Variants in ITPR1 observed in about 807,000 individuals in gnomAD.
The protein encoded by ITPR1 is inositol 1,4,5-trisphosphate receptor type 1, also known as inositol 1,4,5-trisphosphate-gated calcium channel ITPR1.
ITPR1 carries 96 observed loss-of-function variants against 318.4 expected under a neutral mutation model. The ratio of observed to expected loss-of-function variants is 0.30; its 90% CI spans 0.26 to 0.36. ITPR1 has a LOEUF of 0.36. Among genes scored for constraint, ITPR1 ranks in the 10% least tolerant of loss-of-function variants. The pLI is 1.00. For synonymous variants in ITPR1, 1,312 were observed against 1,289.9 expected, an observed-to-expected ratio of 1.02 and a Z score of -0.37; for missense variants, 2,440 against 3,460.2, an observed-to-expected ratio of 0.71 and a Z score of 7.40.
chr3:4,805,374 A>T (rs1272173894), intron 54 of ITPR1, among the ~76,000 whole-genome samples: 1 of 152,218 alleles, frequency 6.6e-6, no homozygotes, highest in East Asian at 1.9e-4. Flanking sequence ...GAAAGAGCTC[A>T]GTGGACATCA....
chr3:4,824,438 G>A (rs1443831181), intron 60 of ITPR1, among the ~76,000 whole-genome samples: 1 of 152,168 alleles, frequency 6.6e-6, no homozygotes, highest in Non-Finnish European at 1.5e-5. Context: ...GAAATCCAGA[G>A]CTGCTGAACC....
intron 4 of ITPR1, among the ~76,000 whole-genome samples, chr3:4,551,747 T>C (rs868046740): frequency 2.0e-5 from 3 of 152,232 alleles, no homozygotes; most frequent in South Asian, 4.1e-4. Context: ...AAAGGCTTAT[T>C]CTCTTATTCA....
intron 4 of ITPR1, among the ~76,000 whole-genome samples, chr3:4,603,234 T>C (rs1436457232): frequency 6.6e-6 from 1 of 152,056 alleles, no homozygotes; most frequent in Non-Finnish European, 1.5e-5. Flanking sequence ...ATTTCTTTAT[T>C]TTTAAAATTT....
intron 2 of ITPR1, among the ~76,000 whole-genome samples, chr3:4,500,985 T>C (rs1229708338): frequency 6.6e-6 from 1 of 152,004 alleles, no homozygotes; most frequent in Non-Finnish European, 1.5e-5. Context: ...TCCTGAGTAG[T>C]TGGGACCACC....
chr3:4,764,388 T>C (rs1261590746), intron 44 of ITPR1, among the ~76,000 whole-genome samples: 1 of 152,264 alleles, frequency 6.6e-6, no homozygotes, highest in African/African-American at 2.4e-5. Flanking sequence ...ATTCATTCTT[T>C]TATCAAATAA....
Position 4,652,013 on chromosome 3 carries a change from T to C in ITPR1, c.856-110T>C, listed in dbSNP as rs1369159597. On this transcript the variant is annotated intron_variant, in intron 10 of 61. Coordinates refer to ENST00000649015, the MANE Select transcript of ITPR1 (RefSeq NM_001378452.1). ...GGTTTGTTGAAGATGCTGATTTTCT[T>C]TTTCTAGCTTATAAACATCCCTCCT... 5.9e-6 allele frequency: 5 copies of C among 851,170 alleles called. No homozygotes were observed. The Admixed American group carries it at 8.6e-5, about 15-fold the overall frequency. 52.7% of individuals were successfully genotyped at this position (851,170 alleles called of 1,614,324 possible).
At chr3:4,570,940 G>A (rs1015523307) in intron 4 of ITPR1, among the ~76,000 whole-genome samples, 1 of 152,182 alleles carries the variant, frequency 6.6e-6, no homozygotes, top group Non-Finnish European at 1.5e-5. Flanking sequence ...CTGATCTTGG[G>A]TGAGCTTACC....
chr3:4,730,690 G>A (rs557232458), intron 42 of ITPR1, among the ~76,000 whole-genome samples: 58 of 152,048 alleles, frequency 3.8e-4, no homozygotes, highest in Non-Finnish European at 1.9e-4. Context: ...AAACACGAAG[G>A]GGGGAAGAAA....
At chr3:4,758,837 G>C (rs1017840950) in intron 44 of ITPR1, among the ~76,000 whole-genome samples, 1 of 152,168 alleles carries the variant, frequency 6.6e-6, no homozygotes, top group Non-Finnish European at 1.5e-5. Context: ...TTGTGCCCTG[G>C]GTTCGTTAGC....
chr3:4,753,989 T>C (rs1277276847), intron 44 of ITPR1, among the ~76,000 whole-genome samples: 6 of 140,226 alleles, frequency 4.3e-5, no homozygotes, highest in Non-Finnish European at 9.1e-5. Flanking sequence ...TCTACCTTGC[T>C]AAAGATGCAG....
chr3:4,553,876 C>T (rs531846330), intron 4 of ITPR1, among the ~76,000 whole-genome samples: 20 of 152,242 alleles, frequency 1.3e-4, no homozygotes, highest in South Asian at 4.1e-4. Context: ...GCTGGGGTTA[C>T]GGGCGTGAGC....
At chr3:4,845,162 T>C (rs369720323) in intron 61 of ITPR1, among the ~76,000 whole-genome samples, 51 of 152,352 alleles carry the variant, frequency 3.3e-4, no homozygotes, top group African/African-American at 1.2e-3. Flanking sequence ...TTCCAAAGCC[T>C]TTATTCTTTT....
intron 4 of ITPR1, among the ~76,000 whole-genome samples, chr3:4,548,564 A>G (rs2085252967): frequency 6.6e-6 from 1 of 152,146 alleles, no homozygotes; most frequent in Non-Finnish European, 1.5e-5. Flanking sequence ...ACAGGTAGTG[A>G]TGAATGAACT....
intron 46 of ITPR1, among the ~76,000 whole-genome samples, chr3:4,772,980 C>A (rs560028032): frequency 6.6e-6 from 1 of 152,332 alleles, no homozygotes; most frequent in South Asian, 2.1e-4. Context: ...CCATTCATTT[C>A]ATTTAGTTCA....
At chr3:4,604,494 G>T (rs1488162788) in intron 4 of ITPR1, among the ~76,000 whole-genome samples, 1 of 152,162 alleles carries the variant, frequency 6.6e-6, no homozygotes, top group African/African-American at 2.4e-5. Context: ...GAGGGATGGG[G>T]TGTTCAATTC....
intron 4 of ITPR1, among the ~76,000 whole-genome samples, chr3:4,542,256 T>C (rs2084527423): frequency 1.3e-5 from 2 of 152,206 alleles, no homozygotes; most frequent in South Asian, 4.1e-4. Context: ...TGGCTGTTTC[T>C]GAAAATGGTA....
intron 44 of ITPR1, among the ~76,000 whole-genome samples, chr3:4,742,438 C>T (rs145068907): frequency 1.3e-5 from 2 of 152,294 alleles, no homozygotes; most frequent in African/African-American, 4.8e-5. Context: ...CCTATATGCC[C>T]ACCTCAGGAC....
intron 41 of ITPR1, among the ~76,000 whole-genome samples, chr3:4,726,194 G>C (rs553173732): frequency 6.6e-6 from 1 of 151,800 alleles, no homozygotes; most frequent in Non-Finnish European, 1.5e-5. Context: ...AACGCTCAGC[G>C]AATTTTTGTA....
chr3:4,710,387 C>A lies in ITPR1; in HGVS notation c.4905C>A (p.Leu1635=). The change falls in exon 38 of 62, where the codon CTC becomes CTA. Residue 1635 remains leucine, a synonymous_variant. Transcript: ENST00000649015. The surrounding 1 kb of genome is among the most constrained non-coding windows in gnomAD (Gnocchi z 4.2). ...RPLVQAELSV[L]VDVLHRPELL... is the part of the protein sequence containing the mutation. ...TGGTGCAGGCAGAGTTATCTGTGCT[C>A]GTGGATGTTCTCCACAGACCCGAGC... is the stretch of plus-strand genomic sequence containing the variant. 1 of 1,564,908 alleles carries A rather than the reference C, an allele frequency of 6.4e-7. No homozygotes were observed. Among genetic ancestry groups the A allele is most frequent in the South Asian group, 1.2e-5 (1 of 84,838 alleles).
Sources: gnomAD v4.1 joint callset for allele counts (sites outside exome capture counted in the v4.1 genomes callset) on GRCh38, gnomAD v4.1.1 for gene constraint, Gnocchi (gnomAD v3.1) non-coding constraint, MANE v1.5 for transcripts, NCBI Gene and HGNC (gene_info 2026-07-23, HGNC 2026-07-21) for gene names.